The following TMCO4 variants were observed in gnomAD, a reference collection of about 807,000 sequenced individuals.
The protein encoded by TMCO4 is transmembrane and coiled-coil domains 4.
A neutral mutation model predicts 64.7 loss-of-function variants in TMCO4; 58 were observed. The ratio of observed to expected loss-of-function variants is 0.90; its 90% CI spans 0.73 to 1.12. TMCO4 has a LOEUF of 1.12. TMCO4 is among the 50% of genes most tolerant of loss of function. The pLI, the probability that TMCO4 is intolerant of heterozygous loss-of-function variation, is 0.00. For missense variants in TMCO4, 780 were observed against 825.9 expected (o/e 0.94, Z 0.68); for synonymous variants, 325 against 346.1 (o/e 0.94, Z 0.68).
At position 19,700,888 on chromosome 1, in the gene TMCO4, G is replaced by C. The variant is rs765759491; in HGVS notation, c.1265-3C>G. 3 of 1,613,876 alleles carry C rather than the reference G, an allele frequency of 1.9e-6. No homozygotes were observed. The East Asian group carries it at 6.7e-5, about 36-fold the overall frequency. ...GTCCTCGATGATTCCTTGGCAATCTGGCAAAAGACCCCAGAAAAGGCCGTC... is the reference window on the plus strand; with the variant it reads ...GTCCTCGATGATTCCTTGGCAATCTCGCAAAAGACCCCAGAAAAGGCCGTC... On this transcript the variant is annotated splice_polypyrimidine_tract_variant and splice_region_variant and intron_variant, in intron 13 of 15. Coordinates refer to ENST00000294543, the MANE Select transcript of TMCO4 (RefSeq NM_181719.7).
At chr1:19,689,028 C>T (rs900484453) in intron 15 of TMCO4, among the ~76,000 whole-genome samples, 13 of 152,204 alleles carry the variant, frequency 8.5e-5, no homozygotes, top group East Asian at 1.9e-4. Context: ...CCCAGAGATG[C>T]GCCCTGCCTG....
intron 13 of TMCO4, among the ~76,000 whole-genome samples, chr1:19,702,307 C>T (rs1570679290): frequency 1.0e-5 from 1 of 97,088 alleles, no homozygotes; most frequent in African/African-American, 3.8e-5. Flanking sequence ...AAAAAAAAGT[C>T]AGGGCCCGGC....
intron 7 of TMCO4, among the ~76,000 whole-genome samples, chr1:19,752,566 T>C (rs553810406): frequency 1.2e-4 from 19 of 152,310 alleles, no homozygotes; most frequent in Non-Finnish European, 2.1e-4. Flanking sequence ...TCACTTTTTT[T>C]TGTGCTGACA....
At position 19,739,914 on chromosome 1, in the gene TMCO4, G is replaced by A; in HGVS notation, c.1089C>T (p.Ala363=). ...LTWPASLLSV[A]NVIDNPWGVC... is the part of the protein sequence containing the mutation. ...CCCCCCAGGGGTTGTCGATGACATT[G>A]GCGACACTGAGGAGTGAGGCTGGCC... is the stretch of plus-strand genomic sequence containing the variant. The change falls in exon 12 of 16, where the codon GCC becomes GCT. Residue 363 remains alanine, a synonymous_variant. Coordinates refer to ENST00000294543, the MANE Select transcript of TMCO4 (RefSeq NM_181719.7). 1 of 1,614,018 alleles carries A rather than the reference G, an allele frequency of 6.2e-7. No homozygotes were observed. Among genetic ancestry groups the A allele is most frequent in the Non-Finnish European group, 8.5e-7 (1 of 1,179,978 alleles).
At chr1:19,683,584 T>C in intron 15 of TMCO4, 140 bp from the exon 16 acceptor site, 1 of 865,938 alleles carries the variant, frequency 1.2e-6, no homozygotes, top group South Asian at 1.8e-5. Flanking sequence ...ACTCCATCCC[T>C]CAGTGGCTCT....
Position 19,742,746 on chromosome 1 carries a change from T to A in TMCO4, c.878-1805A>T, listed in dbSNP as rs530866404. 3.9e-4 allele frequency among the ~76,000 whole-genome samples: 60 copies of A among 152,298 alleles called. 1 individual carries two copies. The highest frequency in any genetic ancestry group is 1.4e-3 in the African/African-American group (59 of 41,564). ...TTCCACATTTGTAAGGATGGAATAA[T>A]AACATCTGACTCAGGTGTGGTGGGG... On this transcript the variant is annotated intron_variant, in intron 10 of 15. Transcript: ENST00000294543.
chr1:19,725,068 C>T (rs2095402818), intron 13 of TMCO4, among the ~76,000 whole-genome samples: 1 of 152,162 alleles, frequency 6.6e-6, no homozygotes, highest in South Asian at 2.1e-4. Context: ...ATGTCATTCT[C>T]AGCTGGTTGC....
rs1023281261 is a variant in TMCO4, at chr1:19,734,625, G to A, written c.1264+2747C>T. On this transcript the variant is annotated intron_variant, in intron 13 of 15. Coordinates refer to ENST00000294543, the MANE Select transcript of TMCO4 (RefSeq NM_181719.7). This position sits in a 1 kb window ranked among gnomAD's most constrained non-coding sequence, Gnocchi z 4.4. ...ACCTGGGGGGCCTCTTACGTGGGCT[G>A]CAGAGACACCAGATGCCACCGTTTC... is the stretch of plus-strand genomic sequence containing the variant. Among the ~76,000 whole-genome samples the A allele has an allele frequency of 1.1e-4, 16 of 152,176 alleles. No individual in the cohort carries two copies. Among genetic ancestry groups the A allele is most frequent in the African/African-American group, 3.4e-4 (14 of 41,528 alleles).
At chr1:19,704,793 C>G (rs974295459) in intron 13 of TMCO4, among the ~76,000 whole-genome samples, 2 of 152,182 alleles carry the variant, frequency 1.3e-5, no homozygotes, top group Non-Finnish European at 2.9e-5. Context: ...TCAGGAAAAC[C>G]TAAAAAGGGA....
intron 2 of TMCO4, among the ~76,000 whole-genome samples, chr1:19,796,912 G>A (rs2044336522): frequency 6.6e-6 from 1 of 152,094 alleles, no homozygotes; most frequent in African/African-American, 2.4e-5. Flanking sequence ...ACCTGACAAT[G>A]TATTATAGGT....
intron 10 of TMCO4, chr1:19,745,328 G>T: frequency 2.7e-6 from 2 of 744,074 alleles, no homozygotes; most frequent in Admixed American, 2.8e-5. Context: ...GGACAGGTGG[G>T]TAGGTGGATA....
intron 13 of TMCO4, among the ~76,000 whole-genome samples, chr1:19,722,912 C>T (rs569998084): frequency 1.6e-4 from 25 of 152,226 alleles, no homozygotes; most frequent in Non-Finnish European, 3.2e-4. Context: ...CCACCTTCTT[C>T]CCAGGCCTCC....
chr1:19,700,664 G>A, intron 14 of TMCO4, 104 bp downstream of exon 14: 1 of 1,082,962 alleles, frequency 9.2e-7, no homozygotes, highest in African/African-American at 1.6e-5. Flanking sequence ...GATCTTCCAG[G>A]ACAGGGATTA....
At chr1:19,741,057 C>T in intron 10 of TMCO4, 116 bp from the exon 11 acceptor site, 1 of 1,090,002 alleles carries the variant, frequency 9.2e-7, no homozygotes, top group Non-Finnish European at 1.3e-6. Context: ...GACAAGAGGC[C>T]CACCCCCTGC....
chr1:19,735,361 C>A (rs187274030), intron 13 of TMCO4, among the ~76,000 whole-genome samples: 335 of 152,316 alleles, frequency 2.2e-3, no homozygotes, highest in African/African-American at 7.6e-3. Context: ...CAAGGTCCGA[C>A]AGCCAGTCAG....
chr1:19,768,367 C>T (rs2042834924), intron 6 of TMCO4, among the ~76,000 whole-genome samples: 3 of 152,230 alleles, frequency 2.0e-5, no homozygotes, highest in Admixed American at 6.5e-5. Context: ...CAGCCTTTCT[C>T]TCCAAGGGAG....
intron 6 of TMCO4, among the ~76,000 whole-genome samples, chr1:19,761,006 C>A (rs1292982871): frequency 6.6e-6 from 1 of 152,224 alleles, no homozygotes; most frequent in Admixed American, 6.5e-5. Flanking sequence ...TCATTTATCA[C>A]CTACTCATCT....
chr1:19,733,032 G>A (rs764584688), intron 13 of TMCO4, among the ~76,000 whole-genome samples: 14 of 152,246 alleles, frequency 9.2e-5, no homozygotes, highest in African/African-American at 1.9e-4. Flanking sequence ...TTGGGAGGCC[G>A]AGGTGGGTGG....
At chr1:19,777,113 G>C (rs2101051835) in intron 4 of TMCO4, among the ~76,000 whole-genome samples, 1 of 151,834 alleles carries the variant, frequency 6.6e-6, no homozygotes, top group Admixed American at 6.6e-5. Flanking sequence ...CCTGCAGGTT[G>C]GGCACGTGAC....
Sources: gnomAD v4.1 joint callset for allele counts (sites outside exome capture counted in the v4.1 genomes callset) on GRCh38, gnomAD v4.1.1 for gene constraint, Gnocchi (gnomAD v3.1) non-coding constraint, MANE v1.5 for transcripts, NCBI Gene and HGNC (gene_info 2026-07-23, HGNC 2026-07-21) for gene names.